The following NRG1 variants were observed in gnomAD, a reference collection of about 807,000 sequenced individuals.
NRG1 encodes the protein pro-neuregulin-1, membrane-bound isoform.
NRG1 carries 18 observed loss-of-function variants against 63.8 expected under a neutral mutation model. That is an observed-to-expected ratio of 0.28 (90% CI 0.19 to 0.42). NRG1 has a LOEUF of 0.42. NRG1 is among the 10% of genes least tolerant of loss of function. The pLI is 1.00. For synonymous variants in NRG1, 302 were observed against 301.3 expected, an observed-to-expected ratio of 1.00 and a Z score of -0.02; for missense variants, 762 against 814.7, an observed-to-expected ratio of 0.94 and a Z score of 0.79.
At chr8:32,379,342 G>A (rs1242749805) in intron 1 of NRG1, among the ~76,000 whole-genome samples, 1 of 152,176 alleles carries the variant, frequency 6.6e-6, no homozygotes, top group Non-Finnish European at 1.5e-5. Context: ...TGAGGGCTTA[G>A]CCCTTGAGGA....
chr8:32,362,638 A>G (rs1587072495), intron 1 of NRG1, among the ~76,000 whole-genome samples: 2 of 152,334 alleles, frequency 1.3e-5, no homozygotes, highest in South Asian at 2.1e-4. Flanking sequence ...TTCTTCTAAG[A>G]TAAATCTCAA....
rs1369678160 is a variant in NRG1, at chr8:32,058,897, T to G, written c.37+419466T>G. Among the ~76,000 whole-genome samples the G allele has an allele frequency of 2.0e-5, 3 of 152,210 alleles. No individual in the cohort carries two copies. The East Asian group carries it at 5.8e-4, about 29-fold the overall frequency. On this transcript the variant is annotated intron_variant, in intron 1 of 10. Coordinates refer to the NRG1 transcript ENST00000519301. ...TCTCACTCATTTCAGGCCCTACTTCTGTCAATCACTCTTTCTGTGTTTAGA... is the reference window on the plus strand; with the variant it reads ...TCTCACTCATTTCAGGCCCTACTTCGGTCAATCACTCTTTCTGTGTTTAGA...
At chr8:32,066,432 A>G (rs1824828479) in intron 1 of NRG1, among the ~76,000 whole-genome samples, 1 of 152,202 alleles carries the variant, frequency 6.6e-6, no homozygotes, top group Non-Finnish European at 1.5e-5. Flanking sequence ...AGCACCATTT[A>G]TTAAATAGGG....
At chr8:32,488,717 C>G (rs544371710) in intron 1 of NRG1, among the ~76,000 whole-genome samples, 35 of 152,294 alleles carry the variant, frequency 2.3e-4, no homozygotes, top group African/African-American at 6.3e-4. Flanking sequence ...TCTCTTAACT[C>G]CATGATCTAT....
chr8:32,611,328 C>A (rs1215339304), intron 3 of NRG1, among the ~76,000 whole-genome samples: 1 of 152,056 alleles, frequency 6.6e-6, no homozygotes, highest in Non-Finnish European at 1.5e-5. Context: ...TAGACTCATA[C>A]TGGTAATAGG....
At chr8:32,685,930 A>G (rs1343708658) in intron 5 of NRG1, among the ~76,000 whole-genome samples, 1 of 152,228 alleles carries the variant, frequency 6.6e-6, no homozygotes, top group African/African-American at 2.4e-5. Flanking sequence ...CTACTTTCAA[A>G]CATATTTGAG....
At chr8:32,344,312 T>A (rs1418838515) in intron 1 of NRG1, among the ~76,000 whole-genome samples, 1 of 148,690 alleles carries the variant, frequency 6.7e-6, no homozygotes, top group African/African-American at 2.5e-5. Flanking sequence ...CATCTTTTTT[T>A]TTTCCTTCTT....
At position 32,593,490 on chromosome 8, in the gene NRG1, T is replaced by C. The variant is rs189732402; in HGVS notation, c.101-2338T>C. Among the ~76,000 whole-genome samples, 78 of 142,896 alleles carry C rather than the reference T, an allele frequency of 5.5e-4. 1 individual carries two copies. The highest frequency in any genetic ancestry group is 1.8e-3 in the African/African-American group (75 of 40,614). 93.7% of individuals were successfully genotyped at this position (142,896 alleles called of 152,430 possible). ...CTAACATGGCGAAACTCTGTCTCTA[T>C]GAAAAATACAACAGTTAGCCAGGGG... On this transcript the variant is annotated intron_variant, in intron 1 of 11. Transcript: ENST00000356819.
At chr8:32,465,954 A>G (rs1823009198) in intron 1 of NRG1, among the ~76,000 whole-genome samples, 1 of 152,240 alleles carries the variant, frequency 6.6e-6, no homozygotes, top group South Asian at 2.1e-4. Flanking sequence ...AGAAGGATCT[A>G]TCACAACAAT....
chr8:31,708,268 G>T (rs1027324457), intron 1 of NRG1, among the ~76,000 whole-genome samples: 7 of 151,972 alleles, frequency 4.6e-5, no homozygotes, highest in Non-Finnish European at 1.0e-4. Flanking sequence ...CTTCTTGCTG[G>T]CAGGAAACCA....
At chr8:32,317,934 A>G (rs1586796644) in intron 1 of NRG1, among the ~76,000 whole-genome samples, 1 of 152,208 alleles carries the variant, frequency 6.6e-6, no homozygotes, top group Admixed American at 6.5e-5. Flanking sequence ...ATATGACGCC[A>G]GGGCTTAGGG....
chr8:32,146,963 T>C (rs1836932539), intron 1 of NRG1, among the ~76,000 whole-genome samples: 2 of 152,188 alleles, frequency 1.3e-5, no homozygotes, highest in South Asian at 4.1e-4. Context: ...TGAGATATTA[T>C]CATGAGAATT....
chr8:31,870,086 T>A (rs1348639844), intron 1 of NRG1, among the ~76,000 whole-genome samples: 3 of 152,040 alleles, frequency 2.0e-5, no homozygotes, highest in Non-Finnish European at 4.4e-5. Context: ...TGAGTTTAGG[T>A]TTTTCTTTAA....
chr8:32,537,088 C>A (rs1304316311), intron 1 of NRG1, among the ~76,000 whole-genome samples: 1 of 145,632 alleles, frequency 6.9e-6, no homozygotes, highest in South Asian at 2.2e-4. Flanking sequence ...GCCAGCTACT[C>A]GGGAGGCTGA....
intron 6 of NRG1, among the ~76,000 whole-genome samples, chr8:32,737,411 C>T (rs974479605): frequency 1.3e-5 from 2 of 151,886 alleles, no homozygotes; most frequent in African/African-American, 4.8e-5. Context: ...ATTAGCTGGG[C>T]ATGGTGGTGC....
chr8:32,103,538 G>T (rs1830846838), intron 1 of NRG1, among the ~76,000 whole-genome samples: 1 of 152,082 alleles, frequency 6.6e-6, no homozygotes, highest in African/African-American at 2.4e-5. Context: ...CCTTTCTTTT[G>T]GGAATATACC....
chr8:32,083,338 G>T (rs2131178875), intron 1 of NRG1, among the ~76,000 whole-genome samples: 1 of 152,306 alleles, frequency 6.6e-6, no homozygotes, highest in Non-Finnish European at 1.5e-5. Context: ...AAGTGTGTTG[G>T]GTTGGCCTTG....
intron 1 of NRG1, among the ~76,000 whole-genome samples, chr8:32,215,392 A>G (rs1023614954): frequency 1.3e-5 from 2 of 152,174 alleles, no homozygotes; most frequent in Non-Finnish European, 2.9e-5. Context: ...CTAGCTGTTA[A>G]CACCTCTGCA....
chr8:32,548,106 C>G (rs1021338328), upstream of NRG1: 62 of 618,224 alleles, frequency 1.0e-4, 1 homozygote, highest in Middle Eastern at 3.4e-3. Flanking sequence ...GCCCGGCCAG[C>G]GCGGGAGGAA....
Sources: gnomAD v4.1 joint callset for allele counts (sites outside exome capture counted in the v4.1 genomes callset) on GRCh38, gnomAD v4.1.1 for gene constraint, MANE v1.5 for transcripts, NCBI Gene and HGNC (gene_info 2026-07-23, HGNC 2026-07-21) for gene names.